The following PDE6B variants were observed in gnomAD, a reference collection of about 807,000 sequenced individuals.
PDE6B encodes the protein rod cGMP-specific 3',5'-cyclic phosphodiesterase subunit beta.
PDE6B carries 106 observed loss-of-function variants against 109.0 expected under a neutral mutation model. The ratio of observed to expected loss-of-function variants is 0.97; its 90% CI spans 0.83 to 1.14. PDE6B has a LOEUF of 1.14. Among genes scored for constraint, PDE6B ranks in the 50% most tolerant of loss-of-function variants. The probability of loss-of-function intolerance (pLI) is 0.00; values close to 1 mark genes in which losing one functional copy is unlikely to be tolerated. For synonymous variants in PDE6B, 490 were observed against 471.3 expected, an observed-to-expected ratio of 1.04 and a Z score of -0.51; for missense variants, 1,193 against 1,155.6, an observed-to-expected ratio of 1.03 and a Z score of -0.47.
Position 664,142 on chromosome 4 carries a change from G to A in PDE6B, c.2050G>A (p.Asp684Asn). The change falls in exon 17 of 22, where the codon GAT becomes AAT. Residue 684 changes from aspartate (D) to asparagine (N), a missense_variant. Transcript: ENST00000496514. ...KKRAMFQKIV[D>N]ESKNYQDKKS... ...GAGAGCGATGTTTCAGAAGATCGTG[G>A]ATGAGTCCAAGAACTACCAGGACAA... 1 of 1,611,432 alleles carries A rather than the reference G, an allele frequency of 6.2e-7. No individual in the cohort carries two copies. Among genetic ancestry groups the A allele is most frequent in the Non-Finnish European group, 8.5e-7 (1 of 1,177,784 alleles).
Position 669,910 on chromosome 4 carries a change from G to A in PDE6B, c.2504-136G>A, listed in dbSNP as rs114324445. Reference sequence around the variant, plus strand: ...TAAGAAAGGCTCAGCCCAGCTAATCGGCTTGGGCTGGTCACAGACCCAGGT... The same window carrying A: ...TAAGAAAGGCTCAGCCCAGCTAATCAGCTTGGGCTGGTCACAGACCCAGGT... On this transcript the variant is annotated intron_variant, in intron 21 of 21. Transcript: ENST00000496514. The A allele has an allele frequency of 2.3e-4, 175 of 763,858 alleles. 3 individuals are homozygous for A. Among genetic ancestry groups the A allele is most frequent in the South Asian group, 1.9e-3 (137 of 71,024 alleles). The allele number at this position is 763,858 out of a possible 1,614,324, so 47.3% of individuals were successfully genotyped here. A position where few individuals can be genotyped will look rare whatever the true frequency, so the allele number is the denominator to read the frequency against.
intron 17 of PDE6B, 52 bp from the exon 18 acceptor site, chr4:664,829 A>G: frequency 1.4e-6 from 2 of 1,398,610 alleles, no homozygotes; most frequent in Non-Finnish European, 2.0e-6. Flanking sequence ...CATATAAACC[A>G]CCTGCCCTCA....
chr4:664,038 C>T (rs1737474256), intron 16 of PDE6B, 76 bp from the exon 17 acceptor site: 2 of 1,215,316 alleles, frequency 1.6e-6, no homozygotes, highest in Non-Finnish European at 2.4e-6. Context: ...GGCTCCGCGC[C>T]TCCCTGCAGA....
intron 1 of PDE6B, among the ~76,000 whole-genome samples, chr4:627,234 C>G (rs1030733293): frequency 1.3e-5 from 2 of 151,724 alleles, no homozygotes; most frequent in Non-Finnish European, 2.9e-5. Flanking sequence ...CAACCTCCGT[C>G]TCCCACGTTC....
chr4:656,199 A>G, intron 7 of PDE6B, 46 bp from the exon 8 acceptor site: 3 of 1,359,356 alleles, frequency 2.2e-6, no homozygotes, highest in Non-Finnish European at 3.2e-6. Flanking sequence ...ATCATAACAG[A>G]CCTTCCGCTG....
At position 670,689 on chromosome 4, in the gene PDE6B, G is replaced by A. The variant is rs1738415854; in HGVS notation, c.*582G>A. The A allele has an allele frequency of 6.2e-6, 1 of 160,544 alleles. No homozygotes were observed. Among genetic ancestry groups the A allele is most frequent in the South Asian group, 1.6e-4 (1 of 6,122 alleles). 9.9% of individuals were successfully genotyped at this position (160,544 alleles called of 1,614,324 possible). A position where few individuals can be genotyped will look rare whatever the true frequency, so the allele number is the denominator to read the frequency against. On this transcript the variant is annotated 3_prime_UTR_variant, in exon 22 of 22. Transcript: ENST00000496514. Reference sequence around the variant, plus strand: ...TTTGCAGCCACACATGTACATATGTGTACACAGGTAGACAGATGGACACAG... The same window carrying A: ...TTTGCAGCCACACATGTACATATGTATACACAGGTAGACAGATGGACACAG...
chr4:632,075 A>G (rs1361673042), intron 1 of PDE6B, among the ~76,000 whole-genome samples: 1 of 148,466 alleles, frequency 6.7e-6, no homozygotes, highest in South Asian at 2.2e-4. Flanking sequence ...ATGTGACACC[A>G]TCTGCTATCT....
intron 1 of PDE6B, among the ~76,000 whole-genome samples, chr4:630,320 G>C (rs1213310012): frequency 6.6e-6 from 1 of 152,134 alleles, no homozygotes; most frequent in Non-Finnish European, 1.5e-5. Context: ...GGGGCAGCGG[G>C]AGGGAGCCGC....
intron 3 of PDE6B, among the ~76,000 whole-genome samples, chr4:647,056 C>A (rs1020588879): frequency 2.0e-5 from 3 of 151,832 alleles, no homozygotes; most frequent in Non-Finnish European, 4.4e-5. Context: ...ATGAGTGTCA[C>A]CATGTTGGCC....
At chr4:650,870 G>A (rs111932541) in intron 3 of PDE6B, among the ~76,000 whole-genome samples, 9 of 152,328 alleles carry the variant, frequency 5.9e-5, no homozygotes, top group East Asian at 3.9e-4. Flanking sequence ...CGCTGAAGAC[G>A]CCTGCACTTC....
At chr4:658,740 T>C (rs1218870477) in intron 10 of PDE6B, among the ~76,000 whole-genome samples, 2 of 152,132 alleles carry the variant, frequency 1.3e-5, no homozygotes, top group Non-Finnish European at 2.9e-5. Flanking sequence ...GAGGACTGCG[T>C]AAGGCAGTGC....
Position 648,335 on chromosome 4 carries a change from C to T in PDE6B, c.712-5517C>T, listed in dbSNP as rs763155462. 1.3e-5 allele frequency among the ~76,000 whole-genome samples: 2 copies of T among 152,122 alleles called. No individual in the cohort carries two copies. Among genetic ancestry groups the T allele is most frequent in the Non-Finnish European group, 2.9e-5 (2 of 68,046 alleles). Reference sequence around the variant, plus strand: ...CTGTTTCTGGGTCTTGCCCTCCGAACGGCATTTTTAGGCATCCTGACTTGC... The same window carrying T: ...CTGTTTCTGGGTCTTGCCCTCCGAATGGCATTTTTAGGCATCCTGACTTGC... On this transcript the variant is annotated intron_variant, in intron 3 of 21. Transcript: ENST00000496514. This position sits in a 1 kb window ranked among gnomAD's most constrained non-coding sequence, Gnocchi z 4.5.
chr4:654,451 C>T (rs1431951905), intron 5 of PDE6B: 6 of 609,224 alleles, frequency 9.8e-6, no homozygotes, highest in South Asian at 7.4e-5. Context: ...CTCCTGTGCA[C>T]GTGTAGGATG....
chr4:659,385 C>CA (rs1387119751), intron 11 of PDE6B, among the ~76,000 whole-genome samples: 39 of 152,350 alleles, frequency 2.6e-4, no homozygotes, highest in South Asian at 8.3e-4. Flanking sequence ...TCTCTGCTCT[C>CA]AGAGTGCCTA....
At chr4:653,633 T>C in intron 3 of PDE6B, 1 of 633,696 alleles carries the variant, frequency 1.6e-6, no homozygotes, top group Non-Finnish European at 2.8e-6. Context: ...GACCGCAGCC[T>C]CGAGGCCTCA....
At chr4:654,396 C>T (rs1735942666) in intron 5 of PDE6B, 1 of 648,616 alleles carries the variant, frequency 1.5e-6, no homozygotes, top group Non-Finnish European at 2.8e-6. Flanking sequence ...CCCACGTCGG[C>T]TCTGATTGTG....
intron 8 of PDE6B, among the ~76,000 whole-genome samples, 184 bp downstream of exon 8, chr4:656,476 A>G (rs950140525): frequency 6.6e-6 from 1 of 151,458 alleles, no homozygotes; most frequent in Non-Finnish European, 1.5e-5. Context: ...GGCTGTGACC[A>G]CAGCCCCCAC....
chr4:654,488 C>A, intron 5 of PDE6B: 1 of 581,586 alleles, frequency 1.7e-6, no homozygotes, highest in Non-Finnish European at 3.1e-6. Flanking sequence ...TGTGAGAGTA[C>A]GGGCCCAGCT....
At chr4:647,333 TTGGGGTCCATC>T (rs1735253722) in intron 3 of PDE6B, among the ~76,000 whole-genome samples, 1 of 152,032 alleles carries the variant, frequency 6.6e-6, no homozygotes, top group Non-Finnish European at 1.5e-5. Context: ...AGTGTGGGAT[TTGGGGTCCATC>T]TGGCCGGGAG....
Sources: allele counts gnomAD v4.1 joint callset (sites outside exome capture counted in the v4.1 genomes callset), GRCh38; gene constraint gnomAD v4.1.1; non-coding constraint Gnocchi (gnomAD v3.1); transcripts MANE v1.5; gene names NCBI Gene and HGNC (gene_info 2026-07-23, HGNC 2026-07-21).